Variants in ATP9B observed in about 807,000 individuals in gnomAD.
The protein encoded by ATP9B is probable phospholipid-transporting ATPase IIB.
Under a neutral mutation model 146.1 loss-of-function variants are expected in ATP9B, and 110 were observed. The observed-to-expected ratio is 0.75, with a 90% CI of 0.65 to 0.88. The LOEUF (loss-of-function observed/expected upper bound fraction) is 0.88, where lower values mean the gene tolerates loss of function less well. Among genes scored for constraint, ATP9B ranks in the 40% least tolerant of loss-of-function variants. The probability of loss-of-function intolerance (pLI) is 0.00; values close to 1 mark genes in which losing one functional copy is unlikely to be tolerated. For missense variants in ATP9B, 1,499 were observed against 1,496.4 expected, an observed-to-expected ratio of 1.00 and a Z score of -0.03; for synonymous variants, 604 against 569.7, an observed-to-expected ratio of 1.06 and a Z score of -0.86.
At chr18:79,332,187 T>C (rs1345029282) in intron 17 of ATP9B, among the ~76,000 whole-genome samples, 1 of 152,228 alleles carries the variant, frequency 6.6e-6, no homozygotes, top group African/African-American at 2.4e-5. Flanking sequence ...GCCAGCACTT[T>C]GGGAGGCCAA....
chr18:79,073,456 G>T lies in ATP9B; in HGVS notation c.119+3927G>T, dbSNP rs1249259619. On this transcript the variant is annotated intron_variant, in intron 1 of 29. Coordinates refer to ENST00000426216, the MANE Select transcript of ATP9B (RefSeq NM_198531.5). The stretch of plus-strand genomic sequence containing the variant: ...AGCCTGGCCAACACGGAGAAACCCC[G>T]TCTCCACCAAAAAATACAAAAACCA... Among the ~76,000 whole-genome samples the T allele has an allele frequency of 3.3e-5, 5 of 152,334 alleles. 1 individual carries two copies. In the Middle Eastern group the frequency reaches 0.017, roughly 518 times the overall value.
intron 6 of ATP9B, among the ~76,000 whole-genome samples, chr18:79,153,585 G>A (rs1379924202): frequency 6.6e-6 from 1 of 151,718 alleles, no homozygotes; most frequent in Non-Finnish European, 1.5e-5. Context: ...AATACCTGCT[G>A]TGTTACATGT....
chr18:79,273,555 G>A (rs2096277310), intron 12 of ATP9B, among the ~76,000 whole-genome samples: 1 of 152,220 alleles, frequency 6.6e-6, no homozygotes, highest in Non-Finnish European at 1.5e-5. Flanking sequence ...TCTGACAGAG[G>A]AACGCATGTG....
At chr18:79,209,363 C>G (rs2095563132) in intron 10 of ATP9B, among the ~76,000 whole-genome samples, 1 of 152,158 alleles carries the variant, frequency 6.6e-6, no homozygotes, top group South Asian at 2.1e-4. Flanking sequence ...TAATGCTTCC[C>G]TTTTTAAAAA....
chr18:79,316,054 T>A lies in ATP9B; in HGVS notation c.1773+8820T>A, dbSNP rs145240055. ...TCTTAGGGATTACTTCCTATCATAA[T>A]GTCAGGCAGCAGTTAATTCCATATT... On this transcript the variant is annotated intron_variant, in intron 15 of 29. Coordinates refer to ENST00000426216, the MANE Select transcript of ATP9B (RefSeq NM_198531.5). Among the ~76,000 whole-genome samples, 363 of 152,332 alleles carry A rather than the reference T, an allele frequency of 2.4e-3. 1 individual carries two copies. Among genetic ancestry groups the A allele is most frequent in the African/African-American group, 7.8e-3 (326 of 41,566 alleles).
At chr18:79,360,194 C>A (rs966990623) in intron 26 of ATP9B, 1 of 152,206 alleles carries the variant, frequency 6.6e-6, no homozygotes, top group Non-Finnish European at 1.5e-5. Context: ...TCTGCAGACA[C>A]AAATCATGGT....
chr18:79,311,126 T>C (rs956804466), intron 15 of ATP9B, among the ~76,000 whole-genome samples: 3 of 150,878 alleles, frequency 2.0e-5, no homozygotes. Flanking sequence ...CACTCCAGCC[T>C]GGGCGACAGA....
Position 79,377,690 on chromosome 18 carries a change from C to CG in ATP9B, c.*307_*308insG, listed in dbSNP as rs554509868. On this transcript the variant is annotated 3_prime_UTR_variant, in exon 30 of 30. Transcript: ENST00000426216. ...CTGAGACAGCCTCTCCCTCTCAGTGCAGGGACGTCACCCCTGCCAGGCAAG... is the reference window on the plus strand; with the variant it reads ...CTGAGACAGCCTCTCCCTCTCAGTGCGAGGGACGTCACCCCTGCCAGGCAAG... 3.6e-4 allele frequency: 130 copies of CG among 360,862 alleles called. No individual in the cohort carries two copies. Among genetic ancestry groups the CG allele is most frequent in the African/African-American group, 2.5e-3 (121 of 48,190 alleles). 22.4% of individuals were successfully genotyped at this position (360,862 alleles called of 1,614,324 possible). A position where few individuals can be genotyped will look rare whatever the true frequency, so the allele number is the denominator to read the frequency against.
chr18:79,173,274 G>A (rs1351768342), intron 7 of ATP9B, among the ~76,000 whole-genome samples: 1 of 152,116 alleles, frequency 6.6e-6, no homozygotes, highest in Non-Finnish European at 1.5e-5. Context: ...GTACTAGTTT[G>A]TAGTTTGTCT....
At chr18:79,096,081 AC>A (rs2074755161) in intron 1 of ATP9B, among the ~76,000 whole-genome samples, 1 of 152,216 alleles carries the variant, frequency 6.6e-6, no homozygotes, top group South Asian at 2.1e-4. Flanking sequence ...AAGTTGTGTA[AC>A]ATAGAGTGTT....
At position 79,193,216 on chromosome 18, in the gene ATP9B, C is replaced by T. The variant is rs1167012179; in HGVS notation, c.907C>T (p.Gln303Ter). Residue 303 changes from glutamine (Q) to a stop codon, truncating the protein, a stop_gained, in exon 9 of 30, where the codon CAG (glutamine) becomes TAG (stop). Transcript: ENST00000426216. LOFTEE classifies it high-confidence loss of function. ...TTCTATCAGTGCTTATGTTTATGCT[C>T]AGAAACCACAAATGGACATTCACAG... is the stretch of plus-strand genomic sequence containing the variant. Reference protein sequence around the residue: ...LFSISAYVYAQKPQMDIHSFE... With the variant: ...LFSISAYVYA 1.3e-5 allele frequency: 21 copies of T among 1,611,716 alleles called. No homozygotes were observed. Among genetic ancestry groups the T allele is most frequent in the Non-Finnish European group, 1.8e-5 (21 of 1,178,120 alleles).
intron 14 of ATP9B, among the ~76,000 whole-genome samples, 160 bp downstream of exon 14, chr18:79,303,876 C>T (rs1006969842): frequency 1.3e-5 from 2 of 152,126 alleles, no homozygotes; most frequent in Admixed American, 6.5e-5. Flanking sequence ...ATCAGGAAAT[C>T]GTCTTTGATG....
At chr18:79,375,935 C>G in intron 29 of ATP9B, 1 of 985,366 alleles carries the variant, frequency 1.0e-6, no homozygotes, top group Non-Finnish European at 1.2e-6. Flanking sequence ...TCCAGTTTCT[C>G]ATCTGCCTCT....
At position 79,329,373 on chromosome 18, in the gene ATP9B, T is replaced by G. The variant is rs969388235; in HGVS notation, c.1935+71T>G. 1.3e-5 allele frequency: 18 copies of G among 1,423,954 alleles called. No individual in the cohort carries two copies. The Admixed American group carries it at 4.7e-4, about 37-fold the overall frequency. The allele number at this position is 1,423,954 out of a possible 1,614,324, so 88.2% of individuals were successfully genotyped here. On this transcript the variant is annotated intron_variant, in intron 16 of 29. Coordinates refer to ENST00000426216, the MANE Select transcript of ATP9B (RefSeq NM_198531.5). ...TTTTCACACCTTTTAAACACAGATT[T>G]TCCCAAAAGAAAGTTAAACATTTAC...
At chr18:79,181,738 T>C (rs1478830916) in intron 8 of ATP9B, among the ~76,000 whole-genome samples, 1 of 152,230 alleles carries the variant, frequency 6.6e-6, no homozygotes, top group Non-Finnish European at 1.5e-5. Flanking sequence ...TTGTAATCTC[T>C]GGATGTTTCA....
chr18:79,172,193 C>G (rs74588321), intron 7 of ATP9B, among the ~76,000 whole-genome samples: 8,595 of 121,762 alleles, frequency 0.071, 486 homozygotes, highest in Non-Finnish European at 0.094. Context: ...GATTACAGGC[C>G]TAGCCACCGT....
At chr18:79,159,555 C>T (rs1487083613) in intron 7 of ATP9B, among the ~76,000 whole-genome samples, 1 of 152,134 alleles carries the variant, frequency 6.6e-6, no homozygotes, top group African/African-American at 2.4e-5. Context: ...CTCCTGTCTG[C>T]CTTTACCACC....
At chr18:79,172,774 C>T (rs1287427251) in intron 7 of ATP9B, among the ~76,000 whole-genome samples, 1 of 152,250 alleles carries the variant, frequency 6.6e-6, no homozygotes. Context: ...TATTTTAAAC[C>T]ATTCATCATT....
rs143434363 is a variant in ATP9B at position 79,310,708 on chromosome 18, C to G, written c.1773+3474C>G. Among the ~76,000 whole-genome samples the G allele has an allele frequency of 1.8e-3, 277 of 152,308 alleles. 1 individual carries two copies. The highest frequency in any genetic ancestry group is 6.1e-3 in the African/African-American group (255 of 41,556). On this transcript the variant is annotated intron_variant, in intron 15 of 29. Transcript: ENST00000426216. ...CATGTCTGTGTGCAGATGTGGGAAC[C>G]ACTTTCCTGGGGAAGGAAAGATATA...
Sources: gnomAD v4.1 joint callset for allele counts (sites outside exome capture counted in the v4.1 genomes callset) on GRCh38, gnomAD v4.1.1 for gene constraint, MANE v1.5 for transcripts, NCBI Gene and HGNC (gene_info 2026-07-23, HGNC 2026-07-21) for gene names.